The following ACTR3C variants were observed in gnomAD, a reference collection of about 807,000 sequenced individuals.
ACTR3C encodes the protein actin-related protein 3C.
In ACTR3C, 18 loss-of-function variants were observed where a neutral mutation model predicts 26.3. The observed-to-expected ratio is 0.68, with a 90% confidence interval of 0.47 to 1.01. The LOEUF (loss-of-function observed/expected upper bound fraction) is 1.01, where lower values mean the gene tolerates loss of function less well. Ranked by LOEUF, ACTR3C falls within the 50% of genes least tolerant of loss-of-function variation. ACTR3C has a pLI of 0.00. For missense variants in ACTR3C, 184 were observed against 250.7 expected, an observed-to-expected ratio of 0.73 and a Z score of 1.80; for synonymous variants, 55 against 94.5, an observed-to-expected ratio of 0.58 and a Z score of 2.42.
At chr7:150,191,393 A>C in the ACTR3C span, among the ~76,000 whole-genome samples, 1 of 152,236 alleles carries the variant, frequency 6.6e-6, no homozygotes, top group African/African-American at 2.4e-5. Flanking sequence ...AAATTTCTTT[A>C]ATCAGTTTTA....
chr7:150,266,369 T>A (rs568827010), intron 6 of ACTR3C, among the ~76,000 whole-genome samples: 1 of 150,140 alleles, frequency 6.7e-6, no homozygotes, highest in South Asian at 2.1e-4. Context: ...ATAATTGATA[T>A]CCATGGAGTG....
At chr7:150,321,308 T>G (rs747021681) in intron 1 of ACTR3C, among the ~76,000 whole-genome samples, 3 of 152,360 alleles carry the variant, frequency 2.0e-5, no homozygotes, top group Admixed American at 6.5e-5. Flanking sequence ...TCTCTCACCT[T>G]AACAATTGTT....
At chr7:150,186,564 C>T in the ACTR3C span, among the ~76,000 whole-genome samples, 1 of 152,142 alleles carries the variant, frequency 6.6e-6, no homozygotes, top group Non-Finnish European at 1.5e-5. Flanking sequence ...CAATCCAGAT[C>T]CTCTCTCCTT....
the ACTR3C span, among the ~76,000 whole-genome samples, chr7:149,994,837 T>G: frequency 6.8e-6 from 1 of 147,344 alleles, no homozygotes; most frequent in African/African-American, 2.5e-5. Context: ...CAAGAAGTGT[T>G]AACATTCTTT....
rs1290648448 is a variant in ACTR3C at position 150,294,471 on chromosome 7, G to A, written c.45+781C>T. Among the ~76,000 whole-genome samples the A allele has an allele frequency of 3.3e-5, 5 of 152,182 alleles. No individual in the cohort carries two copies. In the East Asian group the frequency reaches 9.6e-4, roughly 29 times the overall value. On this transcript the variant is annotated intron_variant, in intron 2 of 7. Coordinates refer to ENST00000683684, the MANE Select transcript of ACTR3C (RefSeq NM_001164458.2). ...TTATGTCTCCTGAAGTGTTTCCCTA[G>A]GCCATGGAATATAAGTAACTTAGCC...
At chr7:150,182,312 G>C in the ACTR3C span, among the ~76,000 whole-genome samples, 1 of 150,846 alleles carries the variant, frequency 6.6e-6, no homozygotes, top group Non-Finnish European at 1.5e-5. Flanking sequence ...CAGCAACCTG[G>C]TTAATTGGGA....
chr7:150,119,370 T>G, the ACTR3C span, among the ~76,000 whole-genome samples: 1 of 152,094 alleles, frequency 6.6e-6, no homozygotes, highest in Non-Finnish European at 1.5e-5. Flanking sequence ...ACACATAGGC[T>G]TAAAATAAAG....
At chr7:150,188,124 A>G in the ACTR3C span, among the ~76,000 whole-genome samples, 1 of 151,868 alleles carries the variant, frequency 6.6e-6, no homozygotes, top group Non-Finnish European at 1.5e-5. Flanking sequence ...AGTTCCTTCT[A>G]TTGGAAAATG....
At chr7:150,035,281 G>C in the ACTR3C span, among the ~76,000 whole-genome samples, 54 of 60,030 alleles carry the variant, frequency 9.0e-4, 17 homozygotes, top group African/African-American at 2.7e-3. Context: ...TCCCTGCCTC[G>C]TGGAGAGTGC....
chr7:150,307,659 A>G (rs1795903507), intron 1 of ACTR3C, among the ~76,000 whole-genome samples: 1 of 152,170 alleles, frequency 6.6e-6, no homozygotes, highest in South Asian at 2.1e-4. Flanking sequence ...TTTATTGCTC[A>G]CACAAAGCCT....
the ACTR3C span, among the ~76,000 whole-genome samples, chr7:149,993,006 A>G: frequency 2.0e-5 from 3 of 151,834 alleles, no homozygotes; most frequent in Non-Finnish European, 2.9e-5. Context: ...GTCCAAGGGC[A>G]GGAGAAGCTG....
the ACTR3C span, among the ~76,000 whole-genome samples, chr7:150,223,703 AG>A: frequency 6.6e-6 from 1 of 152,164 alleles, no homozygotes; most frequent in Non-Finnish European, 1.5e-5. Flanking sequence ...TGTAAATCAA[AG>A]TACAATAAGT....
chr7:150,064,644 TCACATACA>T, the ACTR3C span, among the ~76,000 whole-genome samples: 3 of 99,400 alleles, frequency 3.0e-5, no homozygotes, highest in East Asian at 5.8e-4. Flanking sequence ...TTGTTTATTT[TCACATACA>T]CACACACACA....
At chr7:149,986,732 T>C in the ACTR3C span, among the ~76,000 whole-genome samples, 1 of 152,004 alleles carries the variant, frequency 6.6e-6, no homozygotes. Context: ...CACCCATTGG[T>C]AGCCTGAAAG....
At chr7:150,005,240 G>A in the ACTR3C span, 1 of 152,140 alleles carries the variant, frequency 6.6e-6, no homozygotes, top group Non-Finnish European at 1.5e-5. Context: ...GGGAGAGCAG[G>A]TAGGCAGATG....
At chr7:150,166,879 TA>T in the ACTR3C span, among the ~76,000 whole-genome samples, 1 of 150,444 alleles carries the variant, frequency 6.6e-6, no homozygotes, top group Non-Finnish European at 1.5e-5. Context: ...TTTTAGCTCC[TA>T]AATATGAGTG....
At chr7:150,276,886 A>G (rs992236741) in intron 6 of ACTR3C, among the ~76,000 whole-genome samples, 6 of 152,138 alleles carry the variant, frequency 3.9e-5, no homozygotes, top group Non-Finnish European at 5.9e-5. Flanking sequence ...CTTCCGTGAC[A>G]GTTAATTTTG....
the ACTR3C span, among the ~76,000 whole-genome samples, chr7:149,897,074 A>C: frequency 1.3e-4 from 19 of 151,918 alleles, no homozygotes; most frequent in African/African-American, 1.9e-4. Context: ...AAAAAAAAAA[A>C]AAAAAAAACA....
the ACTR3C span, chr7:149,891,291 C>T: frequency 1.2e-5 from 14 of 1,167,734 alleles, no homozygotes; most frequent in Admixed American, 7.5e-5. Flanking sequence ...GATTCCATGT[C>T]GTATCGGCCA....
Sources: gnomAD v4.1 joint callset for allele counts (sites outside exome capture counted in the v4.1 genomes callset) on GRCh38, gnomAD v4.1.1 for gene constraint, MANE v1.5 for transcripts, NCBI Gene and HGNC (gene_info 2026-07-23, HGNC 2026-07-21) for gene names.